ARHGAP10: variants seen among roughly 807,000 people sequenced by gnomAD.
ARHGAP10 encodes the protein Rho GTPase activating protein 10, also known as rho GTPase-activating protein 10.
Under a neutral mutation model 108.6 loss-of-function variants are expected in ARHGAP10, and 87 were observed. The ratio of observed to expected loss-of-function variants is 0.80; its 90% CI spans 0.67 to 0.96. The LOEUF (loss-of-function observed/expected upper bound fraction) is 0.96, where lower values mean the gene tolerates loss of function less well. Ranked by LOEUF, ARHGAP10 falls within the 40% of genes least tolerant of loss-of-function variation. The pLI, the probability that ARHGAP10 is intolerant of heterozygous loss-of-function variation, is 0.00. For missense variants in ARHGAP10, 939 were observed against 954.5 expected (o/e 0.98, Z 0.21); for synonymous variants, 347 against 341.1 (o/e 1.02, Z -0.19).
At chr4:148,028,628 A>AT (rs2149667636) in intron 19 of ARHGAP10, among the ~76,000 whole-genome samples, 1 of 152,286 alleles carries the variant, frequency 6.6e-6, no homozygotes, top group East Asian at 1.9e-4. Flanking sequence ...ACCACTGAAT[A>AT]TTTTTCAGCA....
At chr4:147,806,830 T>C (rs2126766879) in intron 1 of ARHGAP10, among the ~76,000 whole-genome samples, 1 of 152,144 alleles carries the variant, frequency 6.6e-6, no homozygotes. Context: ...GCCTCCTGAG[T>C]AGCTGGGACC....
At chr4:147,763,980 C>A (rs943900502) in intron 1 of ARHGAP10, among the ~76,000 whole-genome samples, 1 of 152,106 alleles carries the variant, frequency 6.6e-6, no homozygotes, top group Non-Finnish European at 1.5e-5. Flanking sequence ...GTCTCAAACT[C>A]CTGACCTCGG....
chr4:147,855,847 T>C (rs1338501761), intron 4 of ARHGAP10, among the ~76,000 whole-genome samples: 1 of 152,188 alleles, frequency 6.6e-6, no homozygotes, highest in Non-Finnish European at 1.5e-5. Flanking sequence ...GTCCTGGGTT[T>C]CCAGAAGAAC....
At chr4:147,869,219 A>G (rs1271346448) in intron 7 of ARHGAP10, among the ~76,000 whole-genome samples, 2 of 152,154 alleles carry the variant, frequency 1.3e-5, no homozygotes, top group Non-Finnish European at 2.9e-5. Flanking sequence ...GCATAGGTGA[A>G]TGCCCTGAAG....
At chr4:147,876,270 T>A (rs992561557) in intron 8 of ARHGAP10, among the ~76,000 whole-genome samples, 2 of 152,156 alleles carry the variant, frequency 1.3e-5, no homozygotes, top group East Asian at 3.8e-4. Context: ...TCTCAGTTTT[T>A]AAAATTGAAT....
At chr4:148,006,130 C>T (rs1048063829) in intron 18 of ARHGAP10, among the ~76,000 whole-genome samples, 2 of 152,174 alleles carry the variant, frequency 1.3e-5, no homozygotes, top group African/African-American at 4.8e-5. Flanking sequence ...CCTCCTGGAA[C>T]GTTCTTTTCT....
At chr4:147,754,819 C>T (rs1006508026) in intron 1 of ARHGAP10, among the ~76,000 whole-genome samples, 2 of 152,032 alleles carry the variant, frequency 1.3e-5, no homozygotes, top group Admixed American at 6.6e-5. Flanking sequence ...TCCGGCTGGG[C>T]GTGGTAGCTC....
At chr4:147,845,260 ACTC>A (rs1733586004) in intron 3 of ARHGAP10, among the ~76,000 whole-genome samples, 1 of 151,790 alleles carries the variant, frequency 6.6e-6, no homozygotes, top group South Asian at 2.1e-4. Flanking sequence ...TCCTCACTGT[ACTC>A]CTACTTTTCT....
intron 10 of ARHGAP10, among the ~76,000 whole-genome samples, chr4:147,883,933 G>T (rs955720915): frequency 1.3e-5 from 2 of 151,934 alleles, no homozygotes; most frequent in African/African-American, 4.8e-5. Context: ...GACCTCAAGG[G>T]ATCCACCTGC....
chr4:147,849,032 G>C (rs1733748442), intron 4 of ARHGAP10, among the ~76,000 whole-genome samples: 2 of 152,166 alleles, frequency 1.3e-5, no homozygotes, highest in Admixed American at 6.5e-5. Flanking sequence ...GCTCAGTACA[G>C]TATGTGTGTT....
chr4:147,966,551 G>A, intron 17 of ARHGAP10, 129 bp from the exon 18 acceptor site: 1 of 771,914 alleles, frequency 1.3e-6, no homozygotes, highest in Non-Finnish European at 2.0e-6. Flanking sequence ...TTATTTCAGA[G>A]GTAGATGTTG....
intron 1 of ARHGAP10, among the ~76,000 whole-genome samples, chr4:147,809,863 TGGGACCCA>T (rs1286918380): frequency 4.6e-5 from 7 of 152,200 alleles, no homozygotes; most frequent in Non-Finnish European, 2.9e-5. Flanking sequence ...CCTGCTGATC[TGGGACCCA>T]GGGCTTGGGG....
At chr4:147,784,841 A>AAATATATTAT (rs1560757062) in intron 1 of ARHGAP10, among the ~76,000 whole-genome samples, 8 of 102,866 alleles carry the variant, frequency 7.8e-5, no homozygotes, top group African/African-American at 3.2e-4. Context: ...AATATATTAT[A>AAATATATTAT]AAATATATAT....
At chr4:147,912,326 G>T (rs919271541) in intron 12 of ARHGAP10, among the ~76,000 whole-genome samples, 1 of 151,332 alleles carries the variant, frequency 6.6e-6, no homozygotes, top group Non-Finnish European at 1.5e-5. Context: ...GATCACCTGA[G>T]GTCAGGAATT....
At chr4:148,007,753 T>C (rs1741007296) in intron 18 of ARHGAP10, among the ~76,000 whole-genome samples, 2 of 152,206 alleles carry the variant, frequency 1.3e-5, no homozygotes, top group Admixed American at 1.3e-4. Flanking sequence ...AGTTTTAACC[T>C]CTGGGGTCAA....
intron 12 of ARHGAP10, among the ~76,000 whole-genome samples, chr4:147,911,133 T>A (rs927778079): frequency 3.3e-5 from 5 of 152,194 alleles, no homozygotes; most frequent in Non-Finnish European, 5.9e-5. Flanking sequence ...AACACGGTTT[T>A]GCTAAGCAGA....
intron 18 of ARHGAP10, among the ~76,000 whole-genome samples, chr4:148,001,621 G>C (rs1448891546): frequency 1.4e-5 from 2 of 138,296 alleles, no homozygotes; most frequent in Non-Finnish European, 3.1e-5. Flanking sequence ...CCTTGAAGAG[G>C]TCCTTCACAT....
chr4:147,775,611 T>C (rs897648648), intron 1 of ARHGAP10, among the ~76,000 whole-genome samples: 5 of 152,016 alleles, frequency 3.3e-5, no homozygotes, highest in Non-Finnish European at 7.4e-5. Context: ...GAAGGCAGAG[T>C]GGGTATATGG....
chr4:147,847,255 A>G (rs749426595), intron 4 of ARHGAP10, 33 bp downstream of exon 4: 2 of 1,548,780 alleles, frequency 1.3e-6, no homozygotes, highest in Non-Finnish European at 1.8e-6. Context: ...CTCAGAAAAC[A>G]TAGATGCCTC....
Sources: allele counts gnomAD v4.1 joint callset (sites outside exome capture counted in the v4.1 genomes callset), GRCh38; gene constraint gnomAD v4.1.1; transcripts MANE v1.5; gene names NCBI Gene and HGNC (gene_info 2026-07-23, HGNC 2026-07-21).